The following TMPRSS11E variants were observed in gnomAD, a reference collection of about 807,000 sequenced individuals.
TMPRSS11E encodes transmembrane protease serine 11E.
TMPRSS11E carries 38 observed loss-of-function variants against 48.1 expected under a neutral mutation model. That is an observed-to-expected ratio of 0.79 (90% CI 0.61 to 1.04). The LOEUF (loss-of-function observed/expected upper bound fraction) is 1.04, where lower values mean the gene tolerates loss of function less well. TMPRSS11E is among the 50% of genes least tolerant of loss of function. TMPRSS11E has a pLI of 0.00. For synonymous variants in TMPRSS11E, 158 were observed against 171.9 expected, an observed-to-expected ratio of 0.92 and a Z score of 0.63; for missense variants, 530 against 510.8, an observed-to-expected ratio of 1.04 and a Z score of -0.36.
chr4:68,457,117 C>A (rs865978830), intron 1 of TMPRSS11E, among the ~76,000 whole-genome samples: 2 of 152,226 alleles, frequency 1.3e-5, no homozygotes, highest in Middle Eastern at 3.4e-3. Context: ...AGTGAACAGG[C>A]AACCTAGAGA....
intron 9 of TMPRSS11E, among the ~76,000 whole-genome samples, chr4:68,486,156 T>G (rs1729545886): frequency 6.6e-6 from 1 of 152,292 alleles, no homozygotes; most frequent in East Asian, 1.9e-4. Flanking sequence ...TCAGCTCTAA[T>G]TTTGGTTATT....
chr4:68,460,351 G>A (rs1264137778), intron 1 of TMPRSS11E, among the ~76,000 whole-genome samples: 5 of 152,092 alleles, frequency 3.3e-5, no homozygotes, highest in Admixed American at 2.6e-4. Flanking sequence ...TAAACAAAAG[G>A]CATTTATTGT....
Position 68,496,737 on chromosome 4 carries a change from A to G in TMPRSS11E, c.1205A>G (p.Asn402Ser). ...VSWGDECAKP[N>S]KPGVYTRVTA... ...TGGGGAGATGAATGTGCGAAACCCA[A>G]CAAGCCTGGTGTTTATACTAGAGTT... The change falls in exon 10 of 10, where the codon AAC (asparagine) becomes AGC (serine). Residue 402 changes from asparagine to serine, a missense_variant. Asn to Ser is a conservative substitution (Grantham distance 46). Coordinates refer to ENST00000305363, the MANE Select transcript of TMPRSS11E (RefSeq NM_014058.4). 1.2e-6 allele frequency: 2 copies of G among 1,613,650 alleles called. No individual in the cohort carries two copies. Among genetic ancestry groups the G allele is most frequent in the Non-Finnish European group, 1.7e-6 (2 of 1,179,630 alleles).
chr4:68,481,090 A>G (rs1729387467), intron 9 of TMPRSS11E, among the ~76,000 whole-genome samples: 1 of 152,176 alleles, frequency 6.6e-6, no homozygotes, highest in South Asian at 2.1e-4. Context: ...TTTGCTTAGT[A>G]TAATGGCCTG....
chr4:68,479,847 C>A (rs1253497864), intron 9 of TMPRSS11E, among the ~76,000 whole-genome samples: 1 of 151,904 alleles, frequency 6.6e-6, no homozygotes, highest in Non-Finnish European at 1.5e-5. Context: ...TTTAGCCACT[C>A]TTTTAGTATA....
chr4:68,493,579 G>T (rs533945675), intron 9 of TMPRSS11E, among the ~76,000 whole-genome samples: 1 of 151,944 alleles, frequency 6.6e-6, no homozygotes, highest in Non-Finnish European at 1.5e-5. Context: ...CTATTCTCTC[G>T]CCTCAGCCTC....
intron 2 of TMPRSS11E, among the ~76,000 whole-genome samples, chr4:68,464,753 C>A (rs1728882385): frequency 6.6e-6 from 1 of 152,094 alleles, no homozygotes; most frequent in Non-Finnish European, 1.5e-5. Context: ...CAAAAAACTA[C>A]ATTTAAGGGT....
chr4:68,463,128 G>A (rs910100036), intron 2 of TMPRSS11E, among the ~76,000 whole-genome samples: 1 of 152,112 alleles, frequency 6.6e-6, no homozygotes, highest in Non-Finnish European at 1.5e-5. Context: ...CTGTAACCTG[G>A]TTATCTTCCT....
chr4:68,454,132 G>T (rs1159801261), intron 1 of TMPRSS11E, among the ~76,000 whole-genome samples: 1 of 151,892 alleles, frequency 6.6e-6, no homozygotes, highest in Non-Finnish European at 1.5e-5. Context: ...GCGTCTAGGA[G>T]TTTCTAGTAT....
intron 9 of TMPRSS11E, among the ~76,000 whole-genome samples, chr4:68,484,104 G>T (rs559283034): frequency 2.0e-5 from 3 of 152,208 alleles, no homozygotes; most frequent in African/African-American, 7.2e-5. Flanking sequence ...GTTTAGGATT[G>T]CTTTGGCTAT....
intron 2 of TMPRSS11E, among the ~76,000 whole-genome samples, chr4:68,465,781 G>A (rs1157220576): frequency 2.0e-5 from 3 of 152,136 alleles, no homozygotes; most frequent in Admixed American, 2.0e-4. Context: ...GATCACCAGT[G>A]TATTTCTAAT....
At position 68,468,894 on chromosome 4, in the gene TMPRSS11E, T is replaced by G. The variant is rs770511796; in HGVS notation, c.274T>G (p.Tyr92Asp). ...RLESMVKNAF[Y>D]KSPLREEFVK... Reference sequence around the variant, plus strand: ...TTACAAACAGGTGAAAAATGCATTTTATAAATCTCCATTAAGGGAAGAATT... The same window carrying G: ...TTACAAACAGGTGAAAAATGCATTTGATAAATCTCCATTAAGGGAAGAATT... Residue 92 changes from tyrosine to aspartate, a missense_variant, in exon 4 of 10, where the codon TAT (tyrosine) becomes GAT (aspartate). Physicochemically the swap from Tyr to Asp is radical, Grantham distance 160 (BLOSUM62 -3). Coordinates refer to ENST00000305363, the MANE Select transcript of TMPRSS11E (RefSeq NM_014058.4). 1 of 1,609,172 alleles carries G rather than the reference T, an allele frequency of 6.2e-7. No individual in the cohort carries two copies. The highest frequency in any genetic ancestry group is 2.2e-5 in the East Asian group (1 of 44,782).
At position 68,461,549 on chromosome 4, in the gene TMPRSS11E, T is replaced by C. The variant is rs561832503; in HGVS notation, c.12-272T>C. 3.3e-5 allele frequency among the ~76,000 whole-genome samples: 5 copies of C among 152,298 alleles called. No homozygotes were observed. In the South Asian group the frequency reaches 1.0e-3, roughly 32 times the overall value. ...ACTTTATATGTAGTACTTCATTTAA[T>C]CCTCACAATAATCATATGAAATAGG... On this transcript the variant is annotated intron_variant, in intron 1 of 9. Transcript: ENST00000305363.
rs748696957 is a variant in TMPRSS11E at position 68,466,724 on chromosome 4, C to T, written c.230C>T (p.Thr77Ile). ...GGCAGAGAGGCTTCTAACAATTTTA[C>T]AGAAATGAGCCAGAGACTTGAATCA... Reference protein sequence around the residue: ...EFGREASNNFTEMSQRLESMV... With the variant: ...EFGREASNNFIEMSQRLESMV... Residue 77 changes from threonine to isoleucine, a missense_variant, in exon 3 of 10, where the codon ACA becomes ATA. Transcript: ENST00000305363. 4 of 1,613,688 alleles carry T rather than the reference C, an allele frequency of 2.5e-6. No individual in the cohort carries two copies. Among genetic ancestry groups the T allele is most frequent in the South Asian group, 2.2e-5 (2 of 91,050 alleles).
chr4:68,448,840 G>T (rs1001370470), intron 1 of TMPRSS11E, among the ~76,000 whole-genome samples: 22 of 151,658 alleles, frequency 1.5e-4, no homozygotes, highest in Admixed American at 3.3e-4. Context: ...TGTTTGAGTG[G>T]GTCTAGATGA....
At chr4:68,465,701 A>G (rs1361193338) in intron 2 of TMPRSS11E, among the ~76,000 whole-genome samples, 1 of 152,100 alleles carries the variant, frequency 6.6e-6, no homozygotes, top group Non-Finnish European at 1.5e-5. Context: ...GAGGAAGAGA[A>G]AGGAGGAGAG....
In TMPRSS11E at chr4:68,493,615, C is replaced by T. The variant is rs188139869; in HGVS notation, c.1111-3028C>T. ...CTGAGTAGCTGAGATTACAGGCAAC[C>T]GCCACCACACCAGACTAATTTTTGT... On this transcript the variant is annotated intron_variant, in intron 9 of 9. Coordinates refer to ENST00000305363, the MANE Select transcript of TMPRSS11E (RefSeq NM_014058.4). 2.6e-5 allele frequency among the ~76,000 whole-genome samples: 4 copies of T among 152,094 alleles called. 1 individual carries two copies. Among genetic ancestry groups the T allele is most frequent in the African/African-American group, 7.2e-5 (3 of 41,488 alleles).
Position 68,487,449 on chromosome 4 carries a change from G to A in TMPRSS11E, c.1110+8458G>A, listed in dbSNP as rs990621380. Reference sequence around the variant, plus strand: ...GTATTTTTAGTAGAGATGGGATTTCGCTATGTTGGCCAGGCTGGTCTTGAA... The same window carrying A: ...GTATTTTTAGTAGAGATGGGATTTCACTATGTTGGCCAGGCTGGTCTTGAA... On this transcript the variant is annotated intron_variant, in intron 9 of 9. Transcript: ENST00000305363. Among the ~76,000 whole-genome samples the A allele has an allele frequency of 4.6e-5, 7 of 151,790 alleles. No individual in the cohort carries two copies. In the East Asian group the frequency reaches 9.8e-4, roughly 21 times the overall value.
chr4:68,476,237 G>A (rs781100982), intron 6 of TMPRSS11E, 24 bp from the exon 7 acceptor site: 13 of 1,613,030 alleles, frequency 8.1e-6, no homozygotes, highest in Non-Finnish European at 1.0e-5. Context: ...ACCCACCAAT[G>A]CACCCCCCCT....
Sources: gnomAD v4.1 joint callset for allele counts (sites outside exome capture counted in the v4.1 genomes callset) on GRCh38, gnomAD v4.1.1 for gene constraint, MANE v1.5 for transcripts, NCBI Gene and HGNC (gene_info 2026-07-23, HGNC 2026-07-21) for gene names.